Variants in SUGCT observed in about 807,000 individuals in gnomAD.
The protein encoded by SUGCT is succinyl-CoA:glutarate-CoA transferase, also known as succinyl-CoA:glutarate CoA-transferase.
SUGCT carries 41 observed loss-of-function variants against 55.0 expected under a neutral mutation model. The ratio of observed to expected loss-of-function variants is 0.74; its 90% confidence interval spans 0.58 to 0.97. The LOEUF is 0.97. SUGCT is among the 50% of genes least tolerant of loss of function. The pLI, the probability that SUGCT is intolerant of heterozygous loss-of-function variation, is 0.00. For missense variants in SUGCT, 568 were observed against 547.8 expected, an observed-to-expected ratio of 1.04 and a Z score of -0.37; for synonymous variants, 187 against 200.4, an observed-to-expected ratio of 0.93 and a Z score of 0.56.
At chr7:40,951,186 G>T in the SUGCT span, among the ~76,000 whole-genome samples, 1 of 152,114 alleles carries the variant, frequency 6.6e-6, no homozygotes, top group African/African-American at 2.4e-5. Context: ...GTTTAGTCTT[G>T]GGAGGGTGTA....
At chr7:40,812,574 C>T (rs1480276092) in intron 13 of SUGCT, among the ~76,000 whole-genome samples, 1 of 151,976 alleles carries the variant, frequency 6.6e-6, no homozygotes, top group African/African-American at 2.4e-5. Context: ...TGTAATGTCA[C>T]CTTTGTCATT....
chr7:40,180,164 G>A (rs938997643), intron 1 of SUGCT, among the ~76,000 whole-genome samples: 6 of 151,376 alleles, frequency 4.0e-5, no homozygotes, highest in Admixed American at 1.3e-4. Context: ...TTGCTGTGTC[G>A]CTCAGGTGGA....
At chr7:40,335,494 T>A (rs1475919277) in intron 9 of SUGCT, among the ~76,000 whole-genome samples, 1 of 152,110 alleles carries the variant, frequency 6.6e-6, no homozygotes, top group East Asian at 1.9e-4. Flanking sequence ...CTAGGTATTT[T>A]ATTCTCTTTG....
At chr7:40,927,762 A>T in the SUGCT span, among the ~76,000 whole-genome samples, 1 of 152,202 alleles carries the variant, frequency 6.6e-6, no homozygotes, top group African/African-American at 2.4e-5. Flanking sequence ...CTAAAATGGG[A>T]TATAGAAATG....
intron 9 of SUGCT, among the ~76,000 whole-genome samples, chr7:40,348,419 C>G (rs1464785546): frequency 2.0e-5 from 3 of 152,142 alleles, no homozygotes; most frequent in African/African-American, 4.8e-5. Context: ...CCAAGCAGGT[C>G]TTGTGAATGA....
intron 13 of SUGCT, among the ~76,000 whole-genome samples, chr7:40,764,900 T>C (rs1474621296): frequency 2.0e-5 from 3 of 152,136 alleles, no homozygotes; most frequent in Admixed American, 2.0e-4. Context: ...CAGTGTTCTT[T>C]CTGTGGTGTG....
rs1423238958 is a variant in SUGCT, at chr7:40,326,217, A to C, written c.816+9362A>C. ...CTGGGCCCTTGATTTCAAGGGACTC[A>C]AAGGCAATATAGCAGGGAAAGTTGG... On this transcript the variant is annotated intron_variant, in intron 9 of 13. Coordinates refer to ENST00000335693, the MANE Select transcript of SUGCT (RefSeq NM_001193313.2). Among the ~76,000 whole-genome samples, 3 of 152,226 alleles carry C rather than the reference A, an allele frequency of 2.0e-5. No individual in the cohort carries two copies. In the East Asian group the frequency reaches 5.8e-4, roughly 29 times the overall value.
At chr7:40,789,246 C>T (rs1196692352) in intron 13 of SUGCT, among the ~76,000 whole-genome samples, 2 of 152,096 alleles carry the variant, frequency 1.3e-5, no homozygotes, top group African/African-American at 4.8e-5. Context: ...ACTTTATGCC[C>T]ATTGATTAGC....
At chr7:40,868,541 G>C in the SUGCT span, among the ~76,000 whole-genome samples, 1 of 152,068 alleles carries the variant, frequency 6.6e-6, no homozygotes, top group African/African-American at 2.4e-5. Flanking sequence ...AGATAGCCTT[G>C]TGACTTGCTT....
chr7:40,589,161 T>C lies in SUGCT; in HGVS notation c.1089+92775T>C, dbSNP rs188277769. 5.7e-3 allele frequency among the ~76,000 whole-genome samples: 865 copies of C among 152,222 alleles called. 3 individuals carry two copies. Among genetic ancestry groups the C allele is most frequent in the African/African-American group, 0.02 (821 of 41,538 alleles). ...AAATATGTACATATATGTGTGTGTG[T>C]GTGTGTGCTTGTGTGTGTATCCTTA... On this transcript the variant is annotated intron_variant, in intron 12 of 13. Transcript: ENST00000335693.
chr7:40,323,101 A>G lies in SUGCT; in HGVS notation c.816+6246A>G, dbSNP rs545356548. Among the ~76,000 whole-genome samples, 3 of 150,812 alleles carry G rather than the reference A, an allele frequency of 2.0e-5. No individual in the cohort carries two copies. In the East Asian group the frequency reaches 6.5e-4, roughly 32 times the overall value. ...GTTATCACCTGGACAATTTTCCCAT[A>G]TGGCTCTGTTAATCTCTCTTCTTTT... On this transcript the variant is annotated intron_variant, in intron 9 of 13. Coordinates refer to ENST00000335693, the MANE Select transcript of SUGCT (RefSeq NM_001193313.2).
intron 7 of SUGCT, among the ~76,000 whole-genome samples, chr7:40,255,660 CAAAAAAAA>C (rs70996898): frequency 3.1e-4 from 17 of 54,192 alleles, no homozygotes; most frequent in African/African-American, 2.5e-4. Flanking sequence ...GACTCTGTAT[CAAAAAAAA>C]AAAAAAAAAA....
At chr7:40,146,310 T>C (rs1169343114) in intron 1 of SUGCT, among the ~76,000 whole-genome samples, 1 of 152,224 alleles carries the variant, frequency 6.6e-6, no homozygotes, top group East Asian at 1.9e-4. Context: ...CTCAATGCTT[T>C]CAGGCTACGC....
chr7:40,953,787 G>A, the SUGCT span, among the ~76,000 whole-genome samples: 1 of 152,250 alleles, frequency 6.6e-6, no homozygotes, highest in Non-Finnish European at 1.5e-5. Context: ...AACAGCAAAT[G>A]TTGCTGCCTG....
At chr7:40,609,852 T>G (rs1159844968) in intron 12 of SUGCT, among the ~76,000 whole-genome samples, 5 of 152,214 alleles carry the variant, frequency 3.3e-5, no homozygotes, top group Non-Finnish European at 7.3e-5. Context: ...TTTTTGATTT[T>G]TTTTAAGCCA....
chr7:40,532,530 G>C (rs1430943412), intron 12 of SUGCT, among the ~76,000 whole-genome samples: 1 of 142,468 alleles, frequency 7.0e-6, no homozygotes, highest in African/African-American at 2.7e-5. Flanking sequence ...GTATGTCTGT[G>C]TGTGTGTGTG....
chr7:40,359,905 A>G (rs187696937), intron 9 of SUGCT, among the ~76,000 whole-genome samples: 2 of 152,378 alleles, frequency 1.3e-5, no homozygotes, highest in Admixed American at 1.3e-4. Context: ...TCTGCATAAT[A>G]CAAGCTCATT....
chr7:40,337,312 T>C (rs969194516), intron 9 of SUGCT, among the ~76,000 whole-genome samples: 2 of 152,182 alleles, frequency 1.3e-5, no homozygotes, highest in African/African-American at 4.8e-5. Flanking sequence ...TTGTGAACTT[T>C]CTGTCTCGTT....
At chr7:40,500,298 C>T (rs554542801) in intron 12 of SUGCT, among the ~76,000 whole-genome samples, 3 of 152,174 alleles carry the variant, frequency 2.0e-5, no homozygotes, top group South Asian at 2.1e-4. Flanking sequence ...CCACACAAGT[C>T]GAATATATCA....
Sources: gnomAD v4.1 joint callset for allele counts (sites outside exome capture counted in the v4.1 genomes callset) on GRCh38, gnomAD v4.1.1 for gene constraint, MANE v1.5 for transcripts, NCBI Gene and HGNC (gene_info 2026-07-23, HGNC 2026-07-21) for gene names.